Variants in GRM7 observed in about 807,000 individuals in gnomAD.
The protein encoded by GRM7 is glutamate metabotropic receptor 7, also known as metabotropic glutamate receptor 7.
GRM7 carries 35 observed loss-of-function variants against 84.5 expected under a neutral mutation model. That is an observed-to-expected ratio of 0.41 (90% CI 0.32 to 0.55). The LOEUF is 0.55. Among genes scored for constraint, GRM7 ranks in the 20% least tolerant of loss-of-function variants. The pLI is 0.19. For synonymous variants in GRM7, 487 were observed against 455.1 expected (o/e 1.07, Z -0.89); for missense variants, 1,003 against 1,194.6 (o/e 0.84, Z 2.36).
At chr3:6,873,133 G>A (rs1030038241) in intron 1 of GRM7, among the ~76,000 whole-genome samples, 3 of 152,076 alleles carry the variant, frequency 2.0e-5, no homozygotes, top group Admixed American at 6.6e-5. Flanking sequence ...GTGCAGTGGC[G>A]CGATCTCGGC....
intron 7 of GRM7, among the ~76,000 whole-genome samples, chr3:7,521,580 C>A (rs1700595832): frequency 6.6e-6 from 1 of 152,190 alleles, no homozygotes; most frequent in Admixed American, 6.5e-5. Flanking sequence ...ACCTTTGGAA[C>A]TATGAGAACT....
chr3:6,987,914 T>A (rs2124847981), intron 1 of GRM7, among the ~76,000 whole-genome samples: 1 of 150,516 alleles, frequency 6.6e-6, no homozygotes, highest in South Asian at 2.1e-4. Context: ...AAAAAGAAAC[T>A]CAGGCCCATG....
chr3:7,739,879 T>C (rs1449025005), intron 9 of GRM7, among the ~76,000 whole-genome samples: 2 of 152,208 alleles, frequency 1.3e-5, no homozygotes, highest in Non-Finnish European at 2.9e-5. Context: ...AGTCAATCTG[T>C]AGTCTTTTGA....
At chr3:7,449,181 A>G (rs181465345) in intron 5 of GRM7, among the ~76,000 whole-genome samples, 1 of 152,120 alleles carries the variant, frequency 6.6e-6, no homozygotes. Context: ...AATAGCTTTT[A>G]TATATAGATG....
chr3:7,095,798 A>G (rs760117413), intron 1 of GRM7, among the ~76,000 whole-genome samples: 11 of 152,100 alleles, frequency 7.2e-5, no homozygotes, highest in Non-Finnish European at 1.3e-4. Context: ...TTTCTTCACC[A>G]ACTCTTATTT....
chr3:7,020,647 T>G (rs1381633881), intron 1 of GRM7, among the ~76,000 whole-genome samples: 1 of 152,218 alleles, frequency 6.6e-6, no homozygotes, highest in Non-Finnish European at 1.5e-5. Flanking sequence ...TTGCAAAATC[T>G]ATTGCAGAAG....
chr3:7,217,616 T>C (rs1248651773), intron 2 of GRM7, among the ~76,000 whole-genome samples: 1 of 150,514 alleles, frequency 6.6e-6, no homozygotes, highest in African/African-American at 2.5e-5. Context: ...CATGTGCTAA[T>C]TGCAAAAGTA....
At chr3:7,435,718 C>T (rs1434012184) in intron 5 of GRM7, among the ~76,000 whole-genome samples, 3 of 135,880 alleles carry the variant, frequency 2.2e-5, no homozygotes, top group African/African-American at 5.4e-5. Context: ...GACAGAGTCT[C>T]GCTCTCTCCC....
intron 9 of GRM7, among the ~76,000 whole-genome samples, chr3:7,723,570 T>C (rs1255770290): frequency 6.6e-6 from 1 of 152,104 alleles, no homozygotes; most frequent in African/African-American, 2.4e-5. Context: ...TAGGGCACAA[T>C]GGCACACTTG....
chr3:7,061,323 T>C (rs564679514), intron 1 of GRM7, among the ~76,000 whole-genome samples: 2 of 151,936 alleles, frequency 1.3e-5, no homozygotes, highest in East Asian at 3.9e-4. Context: ...TTTTAGACTT[T>C]ACTATGTGCT....
At chr3:7,132,555 G>A (rs1019452386) in intron 1 of GRM7, among the ~76,000 whole-genome samples, 1 of 152,110 alleles carries the variant, frequency 6.6e-6, no homozygotes, top group Admixed American at 6.6e-5. Flanking sequence ...AACGCTAAAT[G>A]CTCATTTTCT....
chr3:7,634,373 T>G (rs1697979333), intron 8 of GRM7, among the ~76,000 whole-genome samples: 1 of 150,418 alleles, frequency 6.6e-6, no homozygotes, highest in Non-Finnish European at 1.5e-5. Context: ...ACAAAAACAT[T>G]GACAAGTGTT....
intron 2 of GRM7, among the ~76,000 whole-genome samples, chr3:7,190,623 T>A (rs1342135832): frequency 6.6e-6 from 1 of 152,126 alleles, no homozygotes; most frequent in Non-Finnish European, 1.5e-5. Context: ...GATTTCTGAC[T>A]TGGAACAAGG....
intron 2 of GRM7, among the ~76,000 whole-genome samples, chr3:7,246,050 A>G (rs1175748687): frequency 6.6e-6 from 1 of 152,180 alleles, no homozygotes; most frequent in Non-Finnish European, 1.5e-5. Context: ...TTTGAAAAGC[A>G]TAATATCACT....
At chr3:6,889,852 C>A (rs1480402080) in intron 1 of GRM7, among the ~76,000 whole-genome samples, 1 of 152,070 alleles carries the variant, frequency 6.6e-6, no homozygotes, top group Non-Finnish European at 1.5e-5. Flanking sequence ...GCTGTGAATC[C>A]ATCTGGTCCT....
At chr3:7,334,776 A>G (rs1169615684) in intron 4 of GRM7, among the ~76,000 whole-genome samples, 1 of 152,162 alleles carries the variant, frequency 6.6e-6, no homozygotes, top group African/African-American at 2.4e-5. Context: ...AGCTATTCTT[A>G]TATCAGACAA....
At chr3:7,241,630 G>A (rs1393059724) in intron 2 of GRM7, among the ~76,000 whole-genome samples, 1 of 152,006 alleles carries the variant, frequency 6.6e-6, no homozygotes, top group African/African-American at 2.4e-5. Flanking sequence ...ACCTGCTTGG[G>A]TGAGCTGATG....
chr3:6,864,307 G>A (rs143481007), intron 1 of GRM7, among the ~76,000 whole-genome samples: 1 of 152,132 alleles, frequency 6.6e-6, no homozygotes, highest in Non-Finnish European at 1.5e-5. Context: ...ATGTGTCCTG[G>A]TTAATCACTG....
chr3:7,007,442 T>C (rs1285772557), intron 1 of GRM7, among the ~76,000 whole-genome samples: 1 of 152,212 alleles, frequency 6.6e-6, no homozygotes, highest in African/African-American at 2.4e-5. Flanking sequence ...ATATCTGTTA[T>C]CTCACTCATT....
Sources: allele counts gnomAD v4.1 joint callset (sites outside exome capture counted in the v4.1 genomes callset), GRCh38; gene constraint gnomAD v4.1.1; transcripts MANE v1.5; gene names NCBI Gene and HGNC (gene_info 2026-07-23, HGNC 2026-07-21).